Variants in RSPO2 observed in about 807,000 individuals in gnomAD.
RSPO2 encodes R-spondin-2.
RSPO2 carries 14 observed loss-of-function variants against 30.9 expected under a neutral mutation model. The observed-to-expected ratio is 0.45, with a 90% CI of 0.30 to 0.71. The LOEUF (loss-of-function observed/expected upper bound fraction) is 0.71. Among genes scored for constraint, RSPO2 ranks in the 30% least tolerant of loss-of-function variants. The probability of loss-of-function intolerance (pLI) is 0.08; values close to 1 mark genes in which losing one functional copy is unlikely to be tolerated. For missense variants in RSPO2, 264 were observed against 301.9 expected (o/e 0.87, Z 0.93); for synonymous variants, 107 against 96.4 (o/e 1.11, Z -0.64).
chr8:108,038,443 A>C (rs1811659674), intron 2 of RSPO2, among the ~76,000 whole-genome samples: 1 of 152,258 alleles, frequency 6.6e-6, no homozygotes. Flanking sequence ...CAGATGATTT[A>C]GAATATTACA....
chr8:107,955,280 C>A (rs191912975), intron 5 of RSPO2, among the ~76,000 whole-genome samples: 13 of 152,098 alleles, frequency 8.5e-5, no homozygotes, highest in Non-Finnish European at 1.8e-4. Context: ...ATCACCTATC[C>A]CCCCCTAAAT....
intron 2 of RSPO2, among the ~76,000 whole-genome samples, chr8:108,003,316 T>C (rs1371859323): frequency 3.3e-5 from 1 of 30,534 alleles, no homozygotes; most frequent in Non-Finnish European, 5.4e-5. Context: ...TATATATTTT[T>C]TTTTTTTTTT....
At chr8:107,988,956 A>G in intron 3 of RSPO2, 100 bp downstream of exon 3, 1 of 1,145,424 alleles carries the variant, frequency 8.7e-7, no homozygotes, top group Admixed American at 2.8e-5. Flanking sequence ...CACCTATTAC[A>G]AACACATTTT....
At chr8:108,033,210 T>C (rs1477552299) in intron 2 of RSPO2, among the ~76,000 whole-genome samples, 2 of 152,154 alleles carry the variant, frequency 1.3e-5, no homozygotes, top group Non-Finnish European at 2.9e-5. Context: ...CTAGCATTTC[T>C]TATTGTATAC....
chr8:108,044,433 A>G (rs1811848022), intron 2 of RSPO2, among the ~76,000 whole-genome samples: 1 of 152,068 alleles, frequency 6.6e-6, no homozygotes, highest in Non-Finnish European at 1.5e-5. Flanking sequence ...TGTACCCAAT[A>G]TTCTCACTTT....
chr8:108,018,803 T>G (rs541040048), intron 2 of RSPO2, among the ~76,000 whole-genome samples: 20 of 152,328 alleles, frequency 1.3e-4, no homozygotes, highest in Non-Finnish European at 1.9e-4. Context: ...GTGCCAGTAC[T>G]CCGAATTTCA....
chr8:107,982,810 G>A (rs771455966), intron 3 of RSPO2, among the ~76,000 whole-genome samples: 3 of 151,988 alleles, frequency 2.0e-5, no homozygotes, highest in Admixed American at 6.6e-5. Flanking sequence ...TCTGCTTCTG[G>A]GACATCATCC....
intron 2 of RSPO2, among the ~76,000 whole-genome samples, chr8:108,076,755 GAAAGAAAAAAAAAGAAGA>G (rs2130734280): frequency 6.6e-6 from 1 of 151,310 alleles, no homozygotes; most frequent in East Asian, 1.9e-4. Context: ...ATCTGAAGCT[GAAAGAAAAAAAAAGAAGA>G]AAAGAAAAAT....
At chr8:107,919,241 G>A (rs971598727) in intron 5 of RSPO2, among the ~76,000 whole-genome samples, 20 of 152,040 alleles carry the variant, frequency 1.3e-4, no homozygotes, top group African/African-American at 4.8e-4. Flanking sequence ...GATTTAAGGT[G>A]TTATAAAACC....
At chr8:107,965,916 G>A (rs932289339) in intron 3 of RSPO2, among the ~76,000 whole-genome samples, 8 of 152,134 alleles carry the variant, frequency 5.3e-5, no homozygotes, top group Admixed American at 6.5e-5. Flanking sequence ...AAAGGAAGGC[G>A]GGTGATGTGT....
chr8:108,021,443 C>T (rs1811054371), intron 2 of RSPO2, among the ~76,000 whole-genome samples: 1 of 152,180 alleles, frequency 6.6e-6, no homozygotes, highest in Non-Finnish European at 1.5e-5. Context: ...TTCCTCCATA[C>T]TTAAGGCCCA....
At chr8:107,993,908 C>G (rs750788335) in intron 2 of RSPO2, among the ~76,000 whole-genome samples, 2 of 152,088 alleles carry the variant, frequency 1.3e-5, no homozygotes, top group South Asian at 2.1e-4. Context: ...TACATTGACA[C>G]TCTAATTGGA....
At chr8:107,992,323 G>A (rs1371931509) in intron 2 of RSPO2, among the ~76,000 whole-genome samples, 3 of 152,002 alleles carry the variant, frequency 2.0e-5, no homozygotes, top group African/African-American at 7.2e-5. Context: ...AAAATACCCC[G>A]TGTTTTCACT....
intron 3 of RSPO2, among the ~76,000 whole-genome samples, chr8:107,984,241 G>A (rs561630404): frequency 6.6e-6 from 1 of 152,302 alleles, no homozygotes; most frequent in Admixed American, 6.5e-5. Context: ...TGGCTACCTG[G>A]AATAATTTCT....
Position 107,900,900 on chromosome 8 carries a change from T to TCAAAG in RSPO2, c.*170_*174dup. On this transcript the variant is annotated 3_prime_UTR_variant, in exon 6 of 6. Transcript: ENST00000276659. The stretch of plus-strand genomic sequence containing the variant: ...TGCCTTCACAGTCTCCAGATTCAAA[T>TCAAAG]CAAAGCATAAATAACACAGGGGCCA... 1.6e-6 allele frequency: 1 copy of TCAAAG among 638,670 alleles called. No homozygotes were observed. The highest frequency in any genetic ancestry group is 2.5e-5 in the South Asian group (1 of 39,778). 39.6% of individuals were successfully genotyped at this position (638,670 alleles called of 1,614,324 possible).
intron 2 of RSPO2, among the ~76,000 whole-genome samples, chr8:108,006,450 T>C (rs1353054713): frequency 1.3e-5 from 2 of 152,032 alleles, no homozygotes; most frequent in African/African-American, 4.8e-5. Context: ...ATAGGAAGAC[T>C]ATGGGGTTTT....
intron 5 of RSPO2, among the ~76,000 whole-genome samples, chr8:107,953,158 C>A (rs1267281590): frequency 6.6e-6 from 1 of 152,118 alleles, no homozygotes; most frequent in Admixed American, 6.6e-5. Context: ...AAAAAACATG[C>A]CAGGCACAGA....
In RSPO2 at chr8:107,934,429, A is replaced by G. The variant is rs569839821; in HGVS notation, c.616+23651T>C. Among the ~76,000 whole-genome samples, 36 of 150,420 alleles carry G rather than the reference A, an allele frequency of 2.4e-4. 1 individual carries two copies. The highest frequency in any genetic ancestry group is 6.6e-4 in the African/African-American group (27 of 40,728). On this transcript the variant is annotated intron_variant, in intron 5 of 5. Transcript: ENST00000276659. Reference sequence around the variant, plus strand: ...CTCTTGTTGCCCAGGCTGGAGTGCAATGGCATGATCTCGGCTCACTGCAAC... The same window carrying G: ...CTCTTGTTGCCCAGGCTGGAGTGCAGTGGCATGATCTCGGCTCACTGCAAC...
At chr8:107,954,272 T>A (rs966339217) in intron 5 of RSPO2, among the ~76,000 whole-genome samples, 2 of 152,146 alleles carry the variant, frequency 1.3e-5, no homozygotes, top group Non-Finnish European at 2.9e-5. Context: ...CATAATACCT[T>A]AGCAATCACA....
Sources: gnomAD v4.1 joint callset for allele counts (sites outside exome capture counted in the v4.1 genomes callset) on GRCh38, gnomAD v4.1.1 for gene constraint, MANE v1.5 for transcripts, NCBI Gene and HGNC (gene_info 2026-07-23, HGNC 2026-07-21) for gene names.